The following SI variants were observed in gnomAD, a reference collection of about 807,000 sequenced individuals.
The protein encoded by SI is sucrase-isomaltase.
A neutral mutation model predicts 253.3 loss-of-function variants in SI; 235 were observed. The observed-to-expected ratio is 0.93, with a 90% CI of 0.83 to 1.03. The LOEUF is 1.03. SI is among the 50% of genes least tolerant of loss of function. SI has a pLI of 0.00. For missense variants in SI, 2,442 were observed against 2,211.1 expected (o/e 1.10, Z -2.09); for synonymous variants, 819 against 712.0 (o/e 1.15, Z -2.39).
rs764055886 is a variant in SI at position 164,998,635 on chromosome 3, A to G, written c.4445T>C (p.Ile1482Thr). Reference protein sequence around the residue: ...QKTTGKRGIVISRSTYPTSGR... With the variant: ...QKTTGKRGIVTSRSTYPTSGR... ...ACTAGTAGGATACGTGGAACGAGAA[A>G]TTACAATCCCTCTTTTTCCAGTTGT... Residue 1482 changes from isoleucine to threonine, a missense_variant, in exon 38 of 48, where the codon ATT becomes ACT. Ile to Thr is a moderately conservative substitution (Grantham distance 89). Transcript: ENST00000264382. 2 of 1,611,836 alleles carry G rather than the reference A, an allele frequency of 1.2e-6. No homozygotes were observed. Among genetic ancestry groups the G allele is most frequent in the East Asian group, 4.5e-5 (2 of 44,790 alleles).
intron 7 of SI, among the ~76,000 whole-genome samples, chr3:165,064,542 T>A (rs1714133824): frequency 6.6e-6 from 1 of 152,076 alleles, no homozygotes; most frequent in Non-Finnish European, 1.5e-5. Flanking sequence ...CCCAAATCCA[T>A]CATGAATCAA....
intron 15 of SI, among the ~76,000 whole-genome samples, 178 bp from the exon 16 acceptor site, chr3:165,047,190 G>C (rs1365203964): frequency 6.6e-6 from 1 of 152,020 alleles, no homozygotes; most frequent in Non-Finnish European, 1.5e-5. Context: ...AACCCGATGG[G>C]AGATGATTGA....
intron 22 of SI, among the ~76,000 whole-genome samples, chr3:165,036,062 A>G (rs1341487491): frequency 6.6e-6 from 1 of 151,870 alleles, no homozygotes; most frequent in Non-Finnish European, 1.5e-5. Flanking sequence ...TCACTACCTT[A>G]CTTTAAAACA....
intron 3 of SI, among the ~76,000 whole-genome samples, chr3:165,070,772 T>C (rs886997887): frequency 2.6e-5 from 4 of 152,110 alleles, no homozygotes; most frequent in African/African-American, 7.2e-5. Context: ...CATATTAGTT[T>C]CCTATGTCTT....
Position 165,031,795 on chromosome 3 carries a change from T to C in SI, c.2736+727A>G, listed in dbSNP as rs76159528. On this transcript the variant is annotated intron_variant, in intron 24 of 47. Transcript: ENST00000264382. ...TCGTGTTTTTAAATACTACAGTCTC[T>C]TTTTTAATACATCAATCTACTACCC... 3.8e-4 allele frequency among the ~76,000 whole-genome samples: 58 copies of C among 151,222 alleles called. No homozygotes were observed. The East Asian group carries it at 0.011, about 29-fold the overall frequency.
chr3:165,077,881 T>C (rs776528644), intron 1 of SI, among the ~76,000 whole-genome samples: 7 of 151,580 alleles, frequency 4.6e-5, no homozygotes, highest in Middle Eastern at 3.4e-3. Flanking sequence ...GATAAAAAAA[T>C]ATGATCCCTG....
chr3:165,004,662 T>C lies in SI; in HGVS notation c.4406+2154A>G, dbSNP rs139013937. On this transcript the variant is annotated intron_variant, in intron 37 of 47. Transcript: ENST00000264382. ...GCAACGACATGTAGGAAACTGGAAG[T>C]CATTAAATGTTAAATGAATTAAGTA... 7.7e-3 allele frequency among the ~76,000 whole-genome samples: 1,165 copies of C among 152,232 alleles called. 7 individuals carry two copies. Among genetic ancestry groups the C allele is most frequent in the Middle Eastern group, 0.017 (5 of 294 alleles).
chr3:165,027,206 A>G (rs1711974767), intron 25 of SI, among the ~76,000 whole-genome samples: 1 of 151,344 alleles, frequency 6.6e-6, no homozygotes, highest in African/African-American at 2.4e-5. Context: ...CATAAATTAG[A>G]TGACCTAGAA....
At chr3:165,058,859 T>TACACACACACAAACACACACACACACAC (rs1713832555) in intron 12 of SI, 104 bp downstream of exon 12, 1 of 596,310 alleles carries the variant, frequency 1.7e-6, no homozygotes, top group East Asian at 3.3e-5. Flanking sequence ...AAAGCAGACA[T>TACACACACACAAACACACACACACACAC]ACACACACAC....
rs760256984 is a variant in SI, at chr3:165,038,018, T to C, written c.2308A>G (p.Lys770Glu). 10 of 1,585,326 alleles carry C rather than the reference T, an allele frequency of 6.3e-6. No individual in the cohort carries two copies. Among genetic ancestry groups the C allele is most frequent in the Non-Finnish European group, 8.7e-6 (10 of 1,154,534 alleles). ...AIWYDYESGA[K>E]RPWRKQRVDM... is the part of the protein sequence containing the mutation. ...ACCCGTTGTTTCCTCCATGGCCTTTTTGCACCCTAATAATTGGAAGATTAA... is the reference window on the plus strand; with the variant it reads ...ACCCGTTGTTTCCTCCATGGCCTTTCTGCACCCTAATAATTGGAAGATTAA... The change falls in exon 21 of 48, where the codon AAA becomes GAA. Residue 770 changes from lysine (K) to glutamate (E), a missense_variant. Coordinates refer to ENST00000264382, the MANE Select transcript of SI (RefSeq NM_001041.4).
At position 165,067,470 on chromosome 3, in the gene SI, T is replaced by C; in HGVS notation, c.505A>G (p.Arg169Gly). ...ACATACTGATGAGGAACTTCATATC[T>C]TCTATTATTTGGATCAGTAATCTGG... ...RFKITDPNNR[R>G]YEVPHQYVKE... Residue 169 changes from arginine (R) to glycine (G), a missense_variant, in exon 6 of 48, where the codon AGA becomes GGA. Transcript: ENST00000264382. 5 of 1,610,128 alleles carry C rather than the reference T, an allele frequency of 3.1e-6. No individual in the cohort carries two copies. The highest frequency in any genetic ancestry group is 4.2e-6 in the Non-Finnish European group (5 of 1,176,708).
intron 44 of SI, among the ~76,000 whole-genome samples, chr3:164,988,480 A>T (rs1271042482): frequency 6.6e-6 from 1 of 152,160 alleles, no homozygotes; most frequent in Non-Finnish European, 1.5e-5. Flanking sequence ...CTCATAAAAA[A>T]ATAAGGATTA....
At position 165,021,371 on chromosome 3, in the gene SI, G is replaced by C. The variant is rs760022972; in HGVS notation, c.3112C>G (p.Gln1038Glu). The change falls in exon 27 of 48, where the codon CAA (glutamine) becomes GAA (glutamate). Residue 1038 changes from glutamine to glutamate, a missense_variant. Transcript: ENST00000264382. ...DMLQFKIYDP[Q>E]KKRYEVPVPL... ...ACTGGTACTTCATATCTCTTCTTTT[G>C]GGGATCATAAATCTATTGCAGATAA... is the stretch of plus-strand genomic sequence containing the variant. The C allele has an allele frequency of 2.5e-6, 4 of 1,609,768 alleles. No individual in the cohort carries two copies. In the South Asian group the frequency reaches 4.4e-5, roughly 18 times the overall value.
chr3:165,088,382 C>T, the SI span, among the ~76,000 whole-genome samples: 1 of 151,148 alleles, frequency 6.6e-6, no homozygotes, highest in Non-Finnish European at 1.5e-5. Context: ...TGGTGGCTCA[C>T]ACCTGGAATC....
At chr3:165,059,806 G>A in intron 10 of SI, 96 bp downstream of exon 10, 1 of 1,226,490 alleles carries the variant, frequency 8.2e-7, no homozygotes, top group Admixed American at 1.7e-5. Context: ...ATGATATAAT[G>A]TATATAGTAG....
At chr3:164,990,761 G>T (rs1484830160) in intron 44 of SI, among the ~76,000 whole-genome samples, 3 of 152,018 alleles carry the variant, frequency 2.0e-5, no homozygotes, top group Admixed American at 2.0e-4. Context: ...GTAGGGGGAT[G>T]GGGGAGGGAT....
chr3:165,008,911 A>T (rs1461737667), intron 35 of SI, among the ~76,000 whole-genome samples: 1 of 151,968 alleles, frequency 6.6e-6, no homozygotes, highest in Non-Finnish European at 1.5e-5. Flanking sequence ...ACTTTAAAAG[A>T]CAATGTTACC....
upstream of SI, among the ~76,000 whole-genome samples, chr3:165,082,004 G>A (rs553771204): frequency 3.9e-4 from 59 of 152,028 alleles, no homozygotes; most frequent in African/African-American, 1.3e-3. Flanking sequence ...CAGATGCATA[G>A]ATAAATAAAT....
At position 165,065,082 on chromosome 3, in the gene SI, G is replaced by A. The variant is rs554245384; in HGVS notation, c.807+179C>T. ...ACCTTTACAAAATCTGTTGGTCACT[G>A]AGTCAATTTAGAACCTATCAATTGT... is the stretch of plus-strand genomic sequence containing the variant. On this transcript the variant is annotated intron_variant, in intron 7 of 47. Transcript: ENST00000264382. Among the ~76,000 whole-genome samples the A allele has an allele frequency of 3.3e-5, 5 of 152,050 alleles. No individual in the cohort carries two copies. In the South Asian group the frequency reaches 8.3e-4, roughly 25 times the overall value.
Sources: allele counts gnomAD v4.1 joint callset (sites outside exome capture counted in the v4.1 genomes callset), GRCh38; gene constraint gnomAD v4.1.1; transcripts MANE v1.5; gene names NCBI Gene and HGNC (gene_info 2026-07-23, HGNC 2026-07-21).